Variants in MICU1 observed in about 807,000 individuals in gnomAD.
MICU1 encodes calcium uptake protein 1, mitochondrial.
MICU1 carries 45 observed loss-of-function variants against 56.8 expected under a neutral mutation model. The observed-to-expected ratio is 0.79, with a 90% CI of 0.62 to 1.02. MICU1 has a LOEUF of 1.02. MICU1 is among the 50% of genes least tolerant of loss of function. MICU1 has a pLI of 0.00. For synonymous variants in MICU1, 186 were observed against 195.1 expected, an observed-to-expected ratio of 0.95 and a Z score of 0.39; for missense variants, 504 against 587.1, an observed-to-expected ratio of 0.86 and a Z score of 1.46.
At chr10:72,458,485 C>T (rs567088565) in intron 8 of MICU1, among the ~76,000 whole-genome samples, 17 of 152,142 alleles carry the variant, frequency 1.1e-4, no homozygotes, top group Middle Eastern at 3.4e-3. Context: ...TTTCCAGTTG[C>T]GTATACTGGA....
At chr10:72,438,134 C>A (rs1235668197) in intron 8 of MICU1, among the ~76,000 whole-genome samples, 1 of 152,272 alleles carries the variant, frequency 6.6e-6, no homozygotes. Flanking sequence ...CTAAAACTGA[C>A]CACATAATTG....
chr10:72,415,132 T>C (rs1863944209), intron 9 of MICU1, among the ~76,000 whole-genome samples: 2 of 151,670 alleles, frequency 1.3e-5, no homozygotes, highest in Admixed American at 1.3e-4. Flanking sequence ...TCTCTTGCCT[T>C]AGCTTCCCAA....
chr10:72,609,612 T>C (rs1841784715), intron 1 of MICU1, among the ~76,000 whole-genome samples: 3 of 151,294 alleles, frequency 2.0e-5, no homozygotes, highest in African/African-American at 7.3e-5. Flanking sequence ...CAGGCACCTG[T>C]AGTCCCAGCT....
intron 3 of MICU1, among the ~76,000 whole-genome samples, 153 bp from the exon 4 acceptor site, chr10:72,551,494 T>C (rs1184801057): frequency 6.6e-6 from 1 of 152,226 alleles, no homozygotes; most frequent in Non-Finnish European, 1.5e-5. Flanking sequence ...TTTTTAATAT[T>C]ACAAATGAAT....
intron 8 of MICU1, among the ~76,000 whole-genome samples, chr10:72,450,395 A>G (rs1865258371): frequency 6.6e-6 from 1 of 151,888 alleles, no homozygotes; most frequent in African/African-American, 2.4e-5. Flanking sequence ...CGGCAACTGA[A>G]GTAGCCCAAG....
intron 10 of MICU1, among the ~76,000 whole-genome samples, chr10:72,405,587 A>AT (rs1863602909): frequency 6.6e-6 from 1 of 152,070 alleles, no homozygotes; most frequent in Admixed American, 6.6e-5. Flanking sequence ...AAAAAAAAAA[A>AT]AAATTACAGA....
intron 1 of MICU1, among the ~76,000 whole-genome samples, chr10:72,623,763 C>T (rs1283366560): frequency 1.3e-5 from 2 of 151,794 alleles, no homozygotes; most frequent in African/African-American, 2.4e-5. Flanking sequence ...TGCTTGAACC[C>T]AGGAGGCAGA....
At chr10:72,576,916 A>C (rs935790532) in intron 1 of MICU1, among the ~76,000 whole-genome samples, 6 of 152,216 alleles carry the variant, frequency 3.9e-5, no homozygotes, top group African/African-American at 1.4e-4. Flanking sequence ...AATTGCAAAA[A>C]AAATATGGAA....
chr10:72,477,481 G>C lies in MICU1; in HGVS notation c.653-225C>G, dbSNP rs531416689. On this transcript the variant is annotated intron_variant, in intron 6 of 11. Transcript: ENST00000361114. ...AGTAGTACTACGGCCAGTAAAGACA[G>C]CACTTGTCTACCTTTTTGTTTCAAC... 36 of 1,516,022 alleles carry C rather than the reference G, an allele frequency of 2.4e-5. No individual in the cohort carries two copies. The African/African-American group carries it at 4.7e-4, about 20-fold the overall frequency. 93.9% of individuals were successfully genotyped at this position (1,516,022 alleles called of 1,614,324 possible).
intron 8 of MICU1, among the ~76,000 whole-genome samples, chr10:72,442,221 C>A (rs113053983): frequency 0.042 from 6,431 of 152,178 alleles, 438 homozygotes; most frequent in African/African-American, 0.15. Context: ...TGGCTCACTG[C>A]AACCTCCTCC....
At chr10:72,579,016 C>A (rs1840828108) in intron 1 of MICU1, among the ~76,000 whole-genome samples, 1 of 152,114 alleles carries the variant, frequency 6.6e-6, no homozygotes, top group South Asian at 2.1e-4. Flanking sequence ...TATTTTGCGA[C>A]ATTAGCTTTA....
chr10:72,485,881 T>TCA (rs551067437), intron 6 of MICU1, among the ~76,000 whole-genome samples: 5,942 of 147,552 alleles, frequency 0.04, 176 homozygotes, highest in Non-Finnish European at 0.064. Context: ...AAAAGGTCAG[T>TCA]CACACACACA....
chr10:72,459,363 C>A (rs1174546376), intron 8 of MICU1, among the ~76,000 whole-genome samples: 2 of 152,062 alleles, frequency 1.3e-5, no homozygotes, highest in East Asian at 3.9e-4. Flanking sequence ...AACCAAAAAA[C>A]CAAATAACCT....
intron 4 of MICU1, among the ~76,000 whole-genome samples, chr10:72,534,195 CAA>C (rs11297602): frequency 1.5e-3 from 126 of 86,422 alleles, no homozygotes; most frequent in African/African-American, 3.6e-3. Flanking sequence ...AATTAAACAC[CAA>C]AAAAAAAAAA....
rs143792787 is a variant in MICU1 at position 72,420,468 on chromosome 10, C to T, written c.1071+2766G>A. ...TCTTTCCTTTATACATTACCAGTCT[C>T]GGTATGTCTTTATTAGCAGCATGAG... On this transcript the variant is annotated intron_variant, in intron 9 of 11. Coordinates refer to ENST00000361114, the MANE Select transcript of MICU1 (RefSeq NM_001195518.2). 1.1e-4 allele frequency among the ~76,000 whole-genome samples: 17 copies of T among 152,256 alleles called. No individual in the cohort carries two copies. In the East Asian group the frequency reaches 3.3e-3, roughly 29 times the overall value.
At chr10:72,620,998 G>A (rs112404004) in intron 1 of MICU1, among the ~76,000 whole-genome samples, 4,178 of 152,142 alleles carry the variant, frequency 0.027, 179 homozygotes, top group African/African-American at 0.094. Flanking sequence ...CAAGGCAGGC[G>A]GAATGCTTGA....
intron 6 of MICU1, among the ~76,000 whole-genome samples, chr10:72,494,211 T>C (rs953668241): frequency 1.3e-5 from 2 of 152,114 alleles, no homozygotes; most frequent in African/African-American, 4.8e-5. Flanking sequence ...AGACATAAGG[T>C]AGAGCCAGAA....
chr10:72,497,283 C>T (rs1866878319), intron 6 of MICU1, among the ~76,000 whole-genome samples: 1 of 152,050 alleles, frequency 6.6e-6, no homozygotes, highest in African/African-American at 2.4e-5. Flanking sequence ...TTGTCTTGAA[C>T]TCCTGACCTC....
At chr10:72,478,597 T>C (rs1390722671) in intron 6 of MICU1, among the ~76,000 whole-genome samples, 1 of 152,160 alleles carries the variant, frequency 6.6e-6, no homozygotes, top group Non-Finnish European at 1.5e-5. Flanking sequence ...AAAATGAACT[T>C]TGTATATTAT....
Sources: gnomAD v4.1 joint callset for allele counts (sites outside exome capture counted in the v4.1 genomes callset) on GRCh38, gnomAD v4.1.1 for gene constraint, MANE v1.5 for transcripts, NCBI Gene and HGNC (gene_info 2026-07-23, HGNC 2026-07-21) for gene names.